Variants in NUP210L observed in about 807,000 individuals in gnomAD.
NUP210L encodes the protein nuclear pore membrane glycoprotein 210-like.
A neutral mutation model predicts 208.5 loss-of-function variants in NUP210L; 74 were observed. The observed-to-expected ratio is 0.35, with a 90% CI of 0.29 to 0.43. NUP210L has a LOEUF of 0.43. Ranked by LOEUF, NUP210L falls within the 20% of genes least tolerant of loss-of-function variation. NUP210L has a pLI of 1.00. For missense variants in NUP210L, 1,843 were observed against 2,289.4 expected, an observed-to-expected ratio of 0.81 and a Z score of 3.98; for synonymous variants, 780 against 816.9, an observed-to-expected ratio of 0.95 and a Z score of 0.77.
chr1:154,105,742 A>G (rs531289362), intron 12 of NUP210L, among the ~76,000 whole-genome samples: 10 of 152,312 alleles, frequency 6.6e-5, no homozygotes, highest in South Asian at 6.2e-4. Flanking sequence ...GGGGTCCCCA[A>G]TTTCAGGCCT....
chr1:153,994,949 T>C (rs1290103918), intron 38 of NUP210L, 127 bp downstream of exon 38: 1 of 556,872 alleles, frequency 1.8e-6, no homozygotes, highest in Admixed American at 3.3e-5. Flanking sequence ...GCGGCAGAGG[T>C]TGCTGTAAGC....
At chr1:154,089,715 C>A (rs1412827318) in intron 15 of NUP210L, 121 bp from the exon 16 acceptor site, 2 of 737,056 alleles carry the variant, frequency 2.7e-6, no homozygotes, top group Non-Finnish European at 4.6e-6. Context: ...ACATTATAAT[C>A]CGGCAAATCC....
chr1:154,091,469 A>G (rs1655905162), intron 15 of NUP210L, among the ~76,000 whole-genome samples: 1 of 150,984 alleles, frequency 6.6e-6, no homozygotes, highest in African/African-American at 2.4e-5. Flanking sequence ...ATGAGTGGAT[A>G]AGCAACATGT....
chr1:154,058,772 G>A, intron 20 of NUP210L, 79 bp from the exon 21 acceptor site: 1 of 1,448,742 alleles, frequency 6.9e-7, no homozygotes, highest in Non-Finnish European at 9.4e-7. Context: ...TTCACCCAAA[G>A]CAGAATAGAA....
chr1:154,122,519 G>T (rs759731236), intron 10 of NUP210L, among the ~76,000 whole-genome samples: 1 of 152,120 alleles, frequency 6.6e-6, no homozygotes, highest in Non-Finnish European at 1.5e-5. Flanking sequence ...AGCCGGGCAT[G>T]GTGGCAGGCG....
intron 10 of NUP210L, among the ~76,000 whole-genome samples, chr1:154,125,033 A>G (rs1026335938): frequency 1.3e-4 from 20 of 151,354 alleles, no homozygotes; most frequent in Non-Finnish European, 1.5e-5. Context: ...GGCTGGGTGT[A>G]GTGGCTCACA....
At chr1:154,089,485 G>A (rs762011826) in exon 16 of NUP210L, 1 of 1,614,022 alleles carries the variant, frequency 6.2e-7, no homozygotes, top group Non-Finnish European at 8.5e-7. Flanking sequence ...GTATACTGGA[G>A]TTACTGACAT....
intron 16 of NUP210L, among the ~76,000 whole-genome samples, chr1:154,071,936 C>A (rs1420428221): frequency 1.3e-5 from 2 of 151,602 alleles, no homozygotes; most frequent in Admixed American, 6.6e-5. Flanking sequence ...ACGTCTGGCC[C>A]TAATTCATTC....
intron 2 of NUP210L, 130 bp from the exon 3 acceptor site, chr1:154,143,707 A>G: frequency 1.5e-6 from 1 of 679,908 alleles, no homozygotes; most frequent in Non-Finnish European, 2.3e-6. Context: ...TACCTATGGA[A>G]GAAAATAGCA....
chr1:154,068,193 G>T (rs1427020673), intron 17 of NUP210L, among the ~76,000 whole-genome samples: 1 of 152,090 alleles, frequency 6.6e-6, no homozygotes, highest in Non-Finnish European at 1.5e-5. Context: ...ATATTACAAG[G>T]CTACAGTAAC....
chr1:154,058,107 G>A, exon 22 of NUP210L: 1 of 1,614,120 alleles, frequency 6.2e-7, no homozygotes, highest in Non-Finnish European at 8.5e-7. Flanking sequence ...GACAATGGCA[G>A]AAGCCAACTG....
intron 19 of NUP210L, 145 bp downstream of exon 19, chr1:154,060,797 G>A (rs1654092846): frequency 1.3e-6 from 1 of 744,340 alleles, no homozygotes; most frequent in Non-Finnish European, 2.2e-6. Flanking sequence ...AATTTTTAAG[G>A]ACAGTGCAAC....
intron 10 of NUP210L, 133 bp from the exon 11 acceptor site, chr1:154,118,941 T>C (rs1013812027): frequency 2.2e-6 from 1 of 459,688 alleles, no homozygotes; most frequent in African/African-American, 2.0e-5. Context: ...ATAAAAGAAA[T>C]AAATAAATAT....
intron 2 of NUP210L, among the ~76,000 whole-genome samples, chr1:154,151,186 G>GT (rs1348219665): frequency 2.0e-5 from 3 of 149,820 alleles, no homozygotes; most frequent in Non-Finnish European, 4.4e-5. Context: ...AATGTTTTTT[G>GT]TTTTTTCTGA....
exon 13 of NUP210L, chr1:154,104,050 T>C (rs777688913): frequency 3.7e-6 from 6 of 1,614,062 alleles, no homozygotes; most frequent in Admixed American, 3.3e-5. Flanking sequence ...TTTATCCATG[T>C]TCAGATCCAA....
At chr1:153,993,729 A>G (rs1649634657) in intron 38 of NUP210L, among the ~76,000 whole-genome samples, 1 of 151,720 alleles carries the variant, frequency 6.6e-6, no homozygotes. Flanking sequence ...CCTGGCCAAC[A>G]TGCCACTAAA....
chr1:154,096,756 G>GAA (rs926128925), intron 14 of NUP210L, among the ~76,000 whole-genome samples: 3 of 139,972 alleles, frequency 2.1e-5, no homozygotes, highest in Non-Finnish European at 3.1e-5. Flanking sequence ...TTGGTCTCAG[G>GAA]AAAAAAAAAA....
chr1:154,071,030 T>C (rs1181940747), intron 16 of NUP210L, among the ~76,000 whole-genome samples: 1 of 152,094 alleles, frequency 6.6e-6, no homozygotes, highest in Non-Finnish European at 1.5e-5. Context: ...CCTTTTTTGT[T>C]ATTGTTTTTC....
chr1:154,146,110 T>C (rs950544170), intron 2 of NUP210L, among the ~76,000 whole-genome samples: 1 of 152,014 alleles, frequency 6.6e-6, no homozygotes, highest in Non-Finnish European at 1.5e-5. Flanking sequence ...GCCCATCTCA[T>C]AGAACTAAAA....
Sources: gnomAD v4.1 joint callset for allele counts (sites outside exome capture counted in the v4.1 genomes callset) on GRCh38, gnomAD v4.1.1 for gene constraint, MANE v1.5 for transcripts, NCBI Gene and HGNC (gene_info 2026-07-23, HGNC 2026-07-21) for gene names.